Variants in GLCCI1 observed in about 807,000 individuals in gnomAD.
GLCCI1 encodes glucocorticoid-induced transcript 1 protein.
A neutral mutation model predicts 52.2 loss-of-function variants in GLCCI1; 24 were observed. That is an observed-to-expected ratio of 0.46 (90% confidence interval 0.33 to 0.65). The LOEUF (loss-of-function observed/expected upper bound fraction) is 0.65. GLCCI1 is among the 30% of genes least tolerant of loss of function. The probability of loss-of-function intolerance (pLI) is 0.02; values close to 1 mark genes in which losing one functional copy is unlikely to be tolerated. For synonymous variants in GLCCI1, 310 were observed against 276.5 expected, an observed-to-expected ratio of 1.12 and a Z score of -1.20; for missense variants, 704 against 701.5, an observed-to-expected ratio of 1.00 and a Z score of -0.04.
At chr7:8,055,344 T>C in intron 3 of GLCCI1, 89 bp from the exon 4 acceptor site, 1 of 675,114 alleles carries the variant, frequency 1.5e-6, no homozygotes, top group Non-Finnish European at 2.5e-6. Context: ...GAAAATGTTT[T>C]AATCAGTACC....
At chr7:8,055,397 T>C (rs1782362185) in intron 3 of GLCCI1, 36 bp from the exon 4 acceptor site, 6 of 1,351,426 alleles carry the variant, frequency 4.4e-6, no homozygotes, top group Non-Finnish European at 6.3e-6. Context: ...TATTCACTTT[T>C]ATTCTCTTCT....
chr7:8,049,932 G>A (rs1011135222), intron 3 of GLCCI1, among the ~76,000 whole-genome samples: 1 of 152,194 alleles, frequency 6.6e-6, no homozygotes, highest in Non-Finnish European at 1.5e-5. Context: ...TTTGTGAACA[G>A]TGTTTTTAAA....
rs536928362 is a variant in GLCCI1, at chr7:8,012,902, G to T, written c.609+8843G>T. ...AAGCTTTCTTCTTATTTTCTTCTAA[G>T]AATTTTAGCCTTTAAGTTTATGTCT... On this transcript the variant is annotated intron_variant, in intron 2 of 7. Transcript: ENST00000223145. 1.3e-3 allele frequency among the ~76,000 whole-genome samples: 191 copies of T among 152,212 alleles called. 1 individual carries two copies. The highest frequency in any genetic ancestry group is 1.3e-3 in the Non-Finnish European group (91 of 67,996).
intron 6 of GLCCI1, among the ~76,000 whole-genome samples, chr7:8,083,720 A>T (rs1445035865): frequency 6.6e-6 from 1 of 152,176 alleles, no homozygotes. Context: ...ATTATTTTGC[A>T]GACAGTGGTT....
intron 1 of GLCCI1, among the ~76,000 whole-genome samples, chr7:7,988,799 C>T (rs1780785590): frequency 6.6e-6 from 1 of 152,122 alleles, no homozygotes; most frequent in African/African-American, 2.4e-5. Context: ...TATATGTTCA[C>T]CTAATCCTCT....
intron 2 of GLCCI1, among the ~76,000 whole-genome samples, chr7:8,008,493 C>G (rs1415694813): frequency 2.0e-5 from 3 of 152,012 alleles, no homozygotes; most frequent in Non-Finnish European, 4.4e-5. Context: ...GGTGGAGTTT[C>G]ACCAGTAGAG....
At chr7:8,015,897 A>G (rs1442417364) in intron 2 of GLCCI1, among the ~76,000 whole-genome samples, 1 of 152,200 alleles carries the variant, frequency 6.6e-6, no homozygotes, top group African/African-American at 2.4e-5. Flanking sequence ...CCTTTACGAG[A>G]AACATTTAGC....
At chr7:7,971,921 G>A (rs1432797685) in intron 1 of GLCCI1, among the ~76,000 whole-genome samples, 3 of 152,164 alleles carry the variant, frequency 2.0e-5, no homozygotes, top group Non-Finnish European at 4.4e-5. Context: ...TTAAACACCA[G>A]GTGGTTTTGT....
rs766215827 is a variant in GLCCI1, at chr7:7,969,836, G to C, written c.457+29G>C. ...GCGAGCCCAACCCTCCCGTCCTCCC[G>C]GGCTGCGTCTCCCCGACGGTGCCCT... On this transcript the variant is annotated intron_variant, in intron 1 of 7. Coordinates refer to ENST00000223145, the MANE Select transcript of GLCCI1 (RefSeq NM_138426.4). The surrounding 1 kb of genome is among the most constrained non-coding windows in gnomAD (Gnocchi z 4.9). 9 of 1,396,602 alleles carry C rather than the reference G, an allele frequency of 6.4e-6. 1 individual carries two copies. Among genetic ancestry groups the C allele is most frequent in the Middle Eastern group, 2.6e-4 (1 of 3,792 alleles). 86.5% of individuals were successfully genotyped at this position (1,396,602 alleles called of 1,614,324 possible).
rs971958022 is a variant in GLCCI1 at position 7,993,306 on chromosome 7, C to G, written c.458-10602C>G. Among the ~76,000 whole-genome samples, 11 of 152,290 alleles carry G rather than the reference C, an allele frequency of 7.2e-5. No individual in the cohort carries two copies. The East Asian group carries it at 9.6e-4, about 13-fold the overall frequency. ...ATGACTTCTAAAAAAATTCTCGATT[C>G]TGCTCTCTTCCTGACTCCGTTGTCC... On this transcript the variant is annotated intron_variant, in intron 1 of 7. Transcript: ENST00000223145.
intron 6 of GLCCI1, chr7:8,084,629 A>G (rs1783064304): frequency 3.3e-6 from 1 of 300,448 alleles, no homozygotes. Flanking sequence ...ATTTGTTTTC[A>G]GGATTACAGC....
chr7:8,070,908 A>G lies in GLCCI1; in HGVS notation c.967-13A>G. 6.2e-7 allele frequency: 1 copy of G among 1,610,570 alleles called. No homozygotes were observed. Among genetic ancestry groups the G allele is most frequent in the Non-Finnish European group, 8.5e-7 (1 of 1,176,952 alleles). On this transcript the variant is annotated splice_polypyrimidine_tract_variant and intron_variant, in intron 5 of 7. Coordinates refer to ENST00000223145, the MANE Select transcript of GLCCI1 (RefSeq NM_138426.4). ...CACCAGCATTTGGATGTTTAATGGT[A>G]TTCCTCTTACAGCCGTTGGACATAC... is the stretch of plus-strand genomic sequence containing the variant.
At chr7:8,064,183 T>C (rs1782580692) in intron 5 of GLCCI1, among the ~76,000 whole-genome samples, 2 of 152,216 alleles carry the variant, frequency 1.3e-5, no homozygotes, top group African/African-American at 4.8e-5. Flanking sequence ...TGCCAGGTCC[T>C]GTGTCCAGAA....
intron 6 of GLCCI1, among the ~76,000 whole-genome samples, chr7:8,082,234 T>G (rs998456089): frequency 1.3e-5 from 2 of 152,194 alleles, no homozygotes; most frequent in African/African-American, 4.8e-5. Flanking sequence ...GTTGGTCATA[T>G]GGGTTGTTTT....
intron 1 of GLCCI1, among the ~76,000 whole-genome samples, chr7:7,993,133 A>C (rs1780874021): frequency 6.6e-6 from 1 of 152,150 alleles, no homozygotes; most frequent in Non-Finnish European, 1.5e-5. Flanking sequence ...ATTCCCTTAC[A>C]ATAACTTTAG....
intron 1 of GLCCI1, among the ~76,000 whole-genome samples, chr7:7,977,654 A>G (rs571591169): frequency 1.3e-5 from 2 of 152,274 alleles, no homozygotes; most frequent in East Asian, 3.9e-4. Flanking sequence ...TAGACTTTTT[A>G]AGATTTTGGT....
intron 1 of GLCCI1, among the ~76,000 whole-genome samples, chr7:7,974,086 A>AACATACT (rs1780415683): frequency 6.6e-6 from 1 of 152,124 alleles, no homozygotes; most frequent in Non-Finnish European, 1.5e-5. Flanking sequence ...CTTTTTCTAA[A>AACATACT]GAGACAGGTT....
intron 1 of GLCCI1, among the ~76,000 whole-genome samples, chr7:7,976,840 T>C (rs1398163120): frequency 6.6e-6 from 1 of 151,616 alleles, no homozygotes; most frequent in Non-Finnish European, 1.5e-5. Flanking sequence ...GAGGATCACT[T>C]GAGCCCAGGC....
chr7:7,992,101 GTCTGTTTC>G (rs1337407364), intron 1 of GLCCI1, among the ~76,000 whole-genome samples: 1 of 93,878 alleles, frequency 1.1e-5, no homozygotes, highest in Non-Finnish European at 2.2e-5. Context: ...CTTTCTTTCT[GTCTGTTTC>G]TCTCTCTCTC....
Sources: gnomAD v4.1 joint callset for allele counts (sites outside exome capture counted in the v4.1 genomes callset) on GRCh38, gnomAD v4.1.1 for gene constraint, Gnocchi (gnomAD v3.1) non-coding constraint, MANE v1.5 for transcripts, NCBI Gene and HGNC (gene_info 2026-07-23, HGNC 2026-07-21) for gene names.